Variants in FAM83G observed in about 807,000 individuals in gnomAD.
FAM83G encodes scaffolding CK1 anchoring protein G, also known as protein FAM83G.
Under a neutral mutation model 61.5 loss-of-function variants are expected in FAM83G, and 38 were observed. The observed-to-expected ratio is 0.62, with a 90% CI of 0.48 to 0.81. The LOEUF (loss-of-function observed/expected upper bound fraction) is 0.81, where lower values mean the gene tolerates loss of function less well. FAM83G is among the 30% of genes least tolerant of loss of function. FAM83G has a pLI of 0.00. For synonymous variants in FAM83G, 470 were observed against 476.1 expected, an observed-to-expected ratio of 0.99 and a Z score of 0.17; for missense variants, 989 against 1,133.6, an observed-to-expected ratio of 0.87 and a Z score of 1.83.
chr17:18,976,798 C>A (rs1423149778), intron 5 of FAM83G: 4 of 1,598,504 alleles, frequency 2.5e-6, no homozygotes, highest in Middle Eastern at 1.7e-4. Context: ...AAGGACCAAT[C>A]CTGACACAAG....
intron 3 of FAM83G, among the ~76,000 whole-genome samples, chr17:18,983,438 T>C (rs549907701): frequency 1.3e-5 from 2 of 152,350 alleles, no homozygotes; most frequent in African/African-American, 2.4e-5. Flanking sequence ...AAGCCAGTGA[T>C]TACTTCCCCT....
chr17:18,988,053 G>C (rs1049365766), intron 3 of FAM83G, among the ~76,000 whole-genome samples, 194 bp downstream of exon 3: 3 of 152,242 alleles, frequency 2.0e-5, no homozygotes, highest in Non-Finnish European at 4.4e-5. Flanking sequence ...CCACGTTGGA[G>C]GTAGTGAGTA....
At chr17:18,972,722 C>G (rs1482306982) in intron 5 of FAM83G, among the ~76,000 whole-genome samples, 1 of 152,080 alleles carries the variant, frequency 6.6e-6, no homozygotes, top group Non-Finnish European at 1.5e-5. Flanking sequence ...ATTAGCTGGG[C>G]ACGGTGGCAG....
chr17:18,977,644 T>C lies in FAM83G; in HGVS notation c.2022A>G (p.Arg674=). 2 of 1,609,916 alleles carry C rather than the reference T, an allele frequency of 1.2e-6. No individual in the cohort carries two copies. The highest frequency in any genetic ancestry group is 1.7e-6 in the Non-Finnish European group (2 of 1,179,928). ...TCCTCTTCAACGCATCTGCTTCTTC[T>C]CTTCCCCGACTCTGGGCCCATGGGG... The part of the protein sequence containing the change: ...GGSPWAQSRG[R]EEADALKRMQ... Residue 674 remains arginine (R), a synonymous_variant, in exon 5 of 6, where the codon AGA becomes AGG. Coordinates refer to ENST00000388995, the MANE Select transcript of FAM83G (RefSeq NM_001039999.3).
At chr17:18,977,461 G>T in intron 5 of FAM83G, 123 bp downstream of exon 5, 1 of 1,000,892 alleles carries the variant, frequency 1.0e-6, no homozygotes, top group Non-Finnish European at 1.5e-6. Flanking sequence ...TTCCCCATCT[G>T]TAACAAGGGA....
chr17:18,991,568 G>A (rs1216516659), intron 2 of FAM83G, among the ~76,000 whole-genome samples: 1 of 152,170 alleles, frequency 6.6e-6, no homozygotes, highest in Non-Finnish European at 1.5e-5. Flanking sequence ...GGGCCACACT[G>A]GGCAGGAGGC....
intron 3 of FAM83G, among the ~76,000 whole-genome samples, chr17:18,983,454 T>C (rs1567794835): frequency 6.6e-6 from 1 of 152,220 alleles, no homozygotes; most frequent in Non-Finnish European, 1.5e-5. Context: ...CCCCTGCCCA[T>C]AGTGGGATGG....
chr17:19,004,080 G>C lies in FAM83G; in HGVS notation c.-39C>G, dbSNP rs1186585557. ...CGGGCACTGCTGCCGGGGGTGGGTG[G>C]GCAAGGTCCAGCTCCTAGCTCCGGC... is the stretch of plus-strand genomic sequence containing the variant. On this transcript the variant is annotated 5_prime_UTR_variant, in exon 2 of 6. Coordinates refer to ENST00000388995, the MANE Select transcript of FAM83G (RefSeq NM_001039999.3). This position sits in a 1 kb window ranked among gnomAD's most constrained non-coding sequence, Gnocchi z 5.4. The C allele has an allele frequency of 6.5e-7, 1 of 1,549,092 alleles. No homozygotes were observed. The highest frequency in any genetic ancestry group is 1.2e-5 in the South Asian group (1 of 80,678).
At chr17:18,987,549 T>C (rs1430412623) in intron 3 of FAM83G, among the ~76,000 whole-genome samples, 2 of 152,064 alleles carry the variant, frequency 1.3e-5, no homozygotes, top group African/African-American at 2.4e-5. Context: ...ACCAATGAGA[T>C]CCTGTAGCCC....
At position 18,971,797 on chromosome 17, in the gene FAM83G, C is replaced by T. The variant is rs1234974135; in HGVS notation, c.2083-49G>A. On this transcript the variant is annotated intron_variant, in intron 5 of 5. Coordinates refer to ENST00000388995, the MANE Select transcript of FAM83G (RefSeq NM_001039999.3). The surrounding 1 kb of genome is among the most constrained non-coding windows in gnomAD (Gnocchi z 5.5). Reference sequence around the variant, plus strand: ...GAGGCTGAGCAAGAAGGGCCAACCCCGCCCCAGCACAGGACCCTGCTCAGG... The same window carrying T: ...GAGGCTGAGCAAGAAGGGCCAACCCTGCCCCAGCACAGGACCCTGCTCAGG... 9 of 1,517,804 alleles carry T rather than the reference C, an allele frequency of 5.9e-6. No individual in the cohort carries two copies. Among genetic ancestry groups the T allele is most frequent in the African/African-American group, 1.4e-5 (1 of 72,032 alleles). The allele number at this position is 1,517,804 out of a possible 1,614,324, so 94.0% of individuals were successfully genotyped here.
chr17:18,991,471 C>T (rs1051654307), intron 2 of FAM83G, among the ~76,000 whole-genome samples: 1 of 152,240 alleles, frequency 6.6e-6, no homozygotes, highest in Non-Finnish European at 1.5e-5. Flanking sequence ...CCCACACGTC[C>T]TCTCAGAGGT....
rs932870371 is a variant in FAM83G, at chr17:18,978,643, G to A, written c.1023C>T (p.Ala341=). The A allele has an allele frequency of 1.2e-6, 2 of 1,612,942 alleles. No homozygotes were observed. Among genetic ancestry groups the A allele is most frequent in the Non-Finnish European group, 1.7e-6 (2 of 1,180,010 alleles). Residue 341 remains alanine (A), a synonymous_variant, in exon 5 of 6, where the codon GCC becomes GCT. Transcript: ENST00000388995. Reference sequence around the variant, plus strand: ...CGTACTTGGGGTTGACGAGCTTCTTGGCCACAGTGCCCGCGGGCACCAGGG... The same window carrying A: ...CGTACTTGGGGTTGACGAGCTTCTTAGCCACAGTGCCCGCGGGCACCAGGG... ...VVPLVPAGTV[A]KKLVNPKYAL...
At chr17:18,997,184 C>T (rs559637280) in intron 2 of FAM83G, among the ~76,000 whole-genome samples, 16 of 152,380 alleles carry the variant, frequency 1.1e-4, no homozygotes, top group African/African-American at 3.6e-4. Flanking sequence ...ATGCCCAGAG[C>T]GCTCTGACCA....
At position 18,971,333 on chromosome 17, in the gene FAM83G, G is replaced by A. The variant is rs750318469; in HGVS notation, c.*26C>T. 1 of 1,606,872 alleles carries A rather than the reference G, an allele frequency of 6.2e-7. No homozygotes were observed. Among genetic ancestry groups the A allele is most frequent in the East Asian group, 2.2e-5 (1 of 44,704 alleles). ...TGAGTCTGGGCTGGGGCCTCAGAAG[G>A]TGTGGCTCCAGGCTGGGACATGCTG... On this transcript the variant is annotated 3_prime_UTR_variant, in exon 6 of 6. Coordinates refer to ENST00000388995, the MANE Select transcript of FAM83G (RefSeq NM_001039999.3). This position sits in a 1 kb window ranked among gnomAD's most constrained non-coding sequence, Gnocchi z 5.5.
chr17:19,005,488 C>T (rs568599629), upstream of FAM83G, among the ~76,000 whole-genome samples: 31 of 152,278 alleles, frequency 2.0e-4, no homozygotes, highest in South Asian at 6.2e-4. Context: ...CAACAAACAG[C>T]CCCCACCCCA....
rs1043192992 is a variant in FAM83G, at chr17:18,971,712, C to T, written c.2119G>A (p.Gly707Arg). The T allele has an allele frequency of 3.1e-6, 5 of 1,597,552 alleles. No homozygotes were observed. The highest frequency in any genetic ancestry group is 4.3e-6 in the Non-Finnish European group (5 of 1,169,778). ...QFHHHRVPASGTRDKDGFPGP... is the reference protein window; with the variant it reads ...QFHHHRVPASRTRDKDGFPGP... ...GGGAAGCCGTCTTTATCCCTAGTCC[C>T]TGAGGCAGGGACCCTGTGATGATGA... is the stretch of plus-strand genomic sequence containing the variant. The change falls in exon 6 of 6, where the codon GGG becomes AGG. Residue 707 changes from glycine (G) to arginine (R), a missense_variant. Transcript: ENST00000388995. This position sits in a 1 kb window ranked among gnomAD's most constrained non-coding sequence, Gnocchi z 5.5.
Position 18,969,062 on chromosome 17 carries a change from A to C in FAM83G, c.*2297T>G. On this transcript the variant is annotated 3_prime_UTR_variant, in exon 6 of 6. Transcript: ENST00000388995. The stretch of plus-strand genomic sequence containing the variant: ...TCTCTCCCTCCGCAGCTGGACCTGT[A>C]CGCGGGGGCTCTGTTTGTGCACATC... 3 of 1,613,722 alleles carry C rather than the reference A, an allele frequency of 1.9e-6. No homozygotes were observed. The highest frequency in any genetic ancestry group is 2.5e-6 in the Non-Finnish European group (3 of 1,179,840).
At position 18,978,267 on chromosome 17, in the gene FAM83G, C is replaced by G; in HGVS notation, c.1399G>C (p.Asp467His). ...CAAGGCTCTGGACGGGGCCTGCTGT[C>G]CTGGCTCTGCTTCCACAGCTGGTGC... ...AQHQLWKQSQ[D>H]SRPRPEPCPP... Residue 467 changes from aspartate to histidine, a missense_variant, in exon 5 of 6, where the codon GAC (aspartate) becomes CAC (histidine). Physicochemically the swap from Asp to His is moderately conservative, Grantham distance 81 (BLOSUM62 -1). Transcript: ENST00000388995. 6.2e-7 allele frequency: 1 copy of G among 1,608,836 alleles called. No individual in the cohort carries two copies. Among genetic ancestry groups the G allele is most frequent in the Non-Finnish European group, 8.5e-7 (1 of 1,177,396 alleles).
chr17:18,994,029 G>A (rs1228041821), intron 2 of FAM83G, among the ~76,000 whole-genome samples: 4 of 152,138 alleles, frequency 2.6e-5, no homozygotes, highest in Non-Finnish European at 4.4e-5. Flanking sequence ...GGCCAGCAGC[G>A]TCTCACTACC....
Sources: gnomAD v4.1 joint callset for allele counts (sites outside exome capture counted in the v4.1 genomes callset) on GRCh38, gnomAD v4.1.1 for gene constraint, Gnocchi (gnomAD v3.1) non-coding constraint, MANE v1.5 for transcripts, NCBI Gene and HGNC (gene_info 2026-07-23, HGNC 2026-07-21) for gene names.